Variants in NUP93 observed in about 807,000 individuals in gnomAD.
NUP93 encodes the protein nuclear pore complex protein Nup93.
NUP93 carries 55 observed loss-of-function variants against 107.8 expected under a neutral mutation model. The observed-to-expected ratio is 0.51, with a 90% CI of 0.41 to 0.64. The LOEUF is 0.64. Among genes scored for constraint, NUP93 ranks in the 30% least tolerant of loss-of-function variants. The pLI is 0.00. For missense variants in NUP93, 937 were observed against 1,044.7 expected (o/e 0.90, Z 1.42); for synonymous variants, 390 against 397.5 (o/e 0.98, Z 0.22).
chr16:56,798,460 T>C lies in NUP93; in HGVS notation c.298-16T>C, dbSNP rs1229045108. ...AAAGTTAATTTTAAGTTGTGTTAAT[T>C]TTCCCCCATTTATAGGGCTTCCTGA... On this transcript the variant is annotated splice_polypyrimidine_tract_variant and intron_variant, in intron 3 of 21. Transcript: ENST00000308159. The C allele has an allele frequency of 6.2e-7, 1 of 1,611,350 alleles. No homozygotes were observed. The highest frequency in any genetic ancestry group is 8.5e-7 in the Non-Finnish European group (1 of 1,177,488).
chr16:56,808,152 AT>A (rs1435186764), intron 5 of NUP93, among the ~76,000 whole-genome samples: 50 of 110,420 alleles, frequency 4.5e-4, no homozygotes, highest in African/African-American at 1.5e-3. Flanking sequence ...ATAACTATAT[AT>A]AATATATAGT....
chr16:56,758,709 C>T lies in NUP93; in HGVS notation c.297+54C>T. 3.2e-6 allele frequency: 4 copies of T among 1,238,532 alleles called. No homozygotes were observed. The Admixed American group carries it at 7.0e-5, about 22-fold the overall frequency. The allele number at this position is 1,238,532 out of a possible 1,614,324, so 76.7% of individuals were successfully genotyped here. A position where few individuals can be genotyped will look rare whatever the true frequency, so the allele number is the denominator to read the frequency against. Reference sequence around the variant, plus strand: ...CAGAGCATATAACCCAGGCTGAAGACCCTGGCCCTTTATTAACTAGCAGAT... The same window carrying T: ...CAGAGCATATAACCCAGGCTGAAGATCCTGGCCCTTTATTAACTAGCAGAT... On this transcript the variant is annotated intron_variant, in intron 3 of 21. Transcript: ENST00000308159.
chr16:56,824,060 G>T (rs907424230), intron 8 of NUP93, among the ~76,000 whole-genome samples: 1 of 152,118 alleles, frequency 6.6e-6, no homozygotes, highest in Non-Finnish European at 1.5e-5. Flanking sequence ...AAAATCACAC[G>T]TCAAAAAATC....
In NUP93 at chr16:56,755,023, A is replaced by T. The variant is rs540406933; in HGVS notation, c.180-3515A>T. Among the ~76,000 whole-genome samples the T allele has an allele frequency of 1.4e-4, 21 of 152,360 alleles. No individual in the cohort carries two copies. The South Asian group carries it at 4.3e-3, about 32-fold the overall frequency. ...GGATGTGGGAAAAATTGGAATCTTT[A>T]TACCTTGCTGGTGGGAATGTAAAAT... On this transcript the variant is annotated intron_variant, in intron 2 of 21. Transcript: ENST00000308159.
At chr16:56,811,212 A>G (rs1963308822) in intron 5 of NUP93, among the ~76,000 whole-genome samples, 3 of 152,346 alleles carry the variant, frequency 2.0e-5, no homozygotes, top group Middle Eastern at 3.4e-3. Flanking sequence ...GTTATATTGG[A>G]GTACCCTCCC....
chr16:56,798,603 C>T, intron 4 of NUP93, 65 bp downstream of exon 4: 2 of 1,307,276 alleles, frequency 1.5e-6, no homozygotes, highest in Non-Finnish European at 2.2e-6. Context: ...CGTGGTGGCT[C>T]ACATCTGTAA....
At chr16:56,838,735 T>C (rs1445652416) in intron 18 of NUP93, among the ~76,000 whole-genome samples, 1 of 151,634 alleles carries the variant, frequency 6.6e-6, no homozygotes, top group Non-Finnish European at 1.5e-5. Flanking sequence ...TCAGTTAATA[T>C]TTTAATATTT....
At position 56,838,014 on chromosome 16, in the gene NUP93, G is replaced by A. The variant is rs149177105; in HGVS notation, c.2018+288G>A. 5.8e-3 allele frequency among the ~76,000 whole-genome samples: 880 copies of A among 152,196 alleles called. 13 individuals carry two copies. The highest frequency in any genetic ancestry group is 0.02 in the African/African-American group (822 of 41,498). ...AAGCTTAATTTTAAGCATTATGCTC[G>A]CCTAAATACTGTTGTATACTTTCAT... On this transcript the variant is annotated intron_variant, in intron 18 of 21. Transcript: ENST00000308159.
Position 56,847,935 on chromosome 16 carries a change from T to A in NUP93, c.*3326T>A, listed in dbSNP as rs1964135045. On this transcript the variant is annotated 3_prime_UTR_variant, in exon 22 of 22. Coordinates refer to ENST00000308159, the MANE Select transcript of NUP93 (RefSeq NM_014669.5). ...CTTTAAAGCAAAGAACTACAGACTT[T>A]TCCGCAGTGTCCAGCATTTGCTGAC... 6.6e-6 allele frequency: 1 copy of A among 152,212 alleles called. No individual in the cohort carries two copies. The highest frequency in any genetic ancestry group is 1.5e-5 in the Non-Finnish European group (1 of 68,044). 9.4% of individuals were successfully genotyped at this position (152,212 alleles called of 1,614,324 possible).
At chr16:56,810,453 A>T (rs952079610) in intron 5 of NUP93, among the ~76,000 whole-genome samples, 3 of 151,938 alleles carry the variant, frequency 2.0e-5, no homozygotes, top group Non-Finnish European at 4.4e-5. Context: ...ACATAGTAGG[A>T]CCCCGTCTCT....
Position 56,831,880 on chromosome 16 carries a change from A to G in NUP93, c.1124A>G (p.Tyr375Cys). 1 of 1,614,042 alleles carries G rather than the reference A, an allele frequency of 6.2e-7. No individual in the cohort carries two copies. Among genetic ancestry groups the G allele is most frequent in the Admixed American group, 1.7e-5 (1 of 59,994 alleles). ...ACGGAAAACAAGCTCCGGCTGCATT[A>G]CCGTAGGGCCCTCAGGAACAATACA... ...PATENKLRLH[Y>C]RRALRNNTDP... Residue 375 changes from tyrosine (Y) to cysteine (C), a missense_variant, in exon 11 of 22, where the codon TAC becomes TGC. Coordinates refer to ENST00000308159, the MANE Select transcript of NUP93 (RefSeq NM_014669.5).
intron 3 of NUP93, among the ~76,000 whole-genome samples, chr16:56,796,925 T>A (rs1962912069): frequency 6.6e-6 from 1 of 151,180 alleles, no homozygotes; most frequent in Non-Finnish European, 1.5e-5. Context: ...TGAGCCGAGA[T>A]GGCGCCACTG....
intron 19 of NUP93, 192 bp from the exon 20 acceptor site, chr16:56,839,329 T>A: frequency 2.4e-6 from 1 of 410,346 alleles, no homozygotes; most frequent in Non-Finnish European, 4.3e-6. Context: ...CTCAGAATTT[T>A]AAAAATTGTG....
chr16:56,840,569 A>T (rs939787760), intron 20 of NUP93, among the ~76,000 whole-genome samples: 3 of 152,156 alleles, frequency 2.0e-5, no homozygotes, highest in Non-Finnish European at 4.4e-5. Flanking sequence ...GGCCCAGGTA[A>T]ATTCTTCTCT....
intron 2 of NUP93, among the ~76,000 whole-genome samples, chr16:56,754,186 C>T (rs1961975538): frequency 6.6e-6 from 1 of 151,698 alleles, no homozygotes; most frequent in African/African-American, 2.4e-5. Context: ...AACTCACGGT[C>T]ATGAGAACAG....
chr16:56,751,096 T>A (rs1320024433), intron 2 of NUP93, among the ~76,000 whole-genome samples: 1 of 151,992 alleles, frequency 6.6e-6, no homozygotes, highest in Admixed American at 6.6e-5. Flanking sequence ...GTGCCCATCA[T>A]CAATTGCATA....
chr16:56,830,139 T>C (rs1331741103), intron 9 of NUP93, among the ~76,000 whole-genome samples: 2 of 152,224 alleles, frequency 1.3e-5, no homozygotes, highest in African/African-American at 2.4e-5. Context: ...GTCAGTGACA[T>C]CTTTAGCCTT....
intron 4 of NUP93, among the ~76,000 whole-genome samples, chr16:56,804,585 A>G: frequency 6.6e-6 from 1 of 152,138 alleles, no homozygotes; most frequent in African/African-American, 2.4e-5. Flanking sequence ...ATGAGAATGT[A>G]CTTAATACCA....
intron 21 of NUP93, 111 bp from the exon 22 acceptor site, chr16:56,844,388 C>G: frequency 3.9e-6 from 2 of 510,858 alleles, no homozygotes; most frequent in Non-Finnish European, 6.5e-6. Flanking sequence ...CTGTCCCTGA[C>G]ACGCTGGGGT....
Sources: allele counts gnomAD v4.1 joint callset (sites outside exome capture counted in the v4.1 genomes callset), GRCh38; gene constraint gnomAD v4.1.1; transcripts MANE v1.5; gene names NCBI Gene and HGNC (gene_info 2026-07-23, HGNC 2026-07-21).